NTM: variants seen among roughly 807,000 people sequenced by gnomAD.
NTM encodes the protein IgLON family member 2.
Under a neutral mutation model 42.1 loss-of-function variants are expected in NTM, and 13 were observed. The observed-to-expected ratio is 0.31, with a 90% confidence interval of 0.20 to 0.49. NTM has a LOEUF of 0.49. Ranked by LOEUF, NTM falls within the 20% of genes least tolerant of loss-of-function variation. The pLI is 0.99. For synonymous variants in NTM, 187 were observed against 179.2 expected (o/e 1.04, Z -0.35); for missense variants, 373 against 452.8 (o/e 0.82, Z 1.60).
At chr11:131,615,809 GC>G (rs2061872165) in intron 1 of NTM, among the ~76,000 whole-genome samples, 1 of 152,200 alleles carries the variant, frequency 6.6e-6, no homozygotes, top group Non-Finnish European at 1.5e-5. Context: ...CTAAGGCTGT[GC>G]TGAGCCTGTG....
intron 2 of NTM, among the ~76,000 whole-genome samples, chr11:132,093,096 C>T (rs1425479794): frequency 6.6e-6 from 1 of 152,172 alleles, no homozygotes; most frequent in South Asian, 2.1e-4. Flanking sequence ...GGGATAAAAT[C>T]TCACCTTTAT....
chr11:131,403,142 C>A (rs560929649), intron 1 of NTM, among the ~76,000 whole-genome samples: 10 of 152,298 alleles, frequency 6.6e-5, no homozygotes, highest in African/African-American at 1.9e-4. Flanking sequence ...AGAGGAGACA[C>A]CGTTTACTTA....
chr11:131,908,814 G>T (rs1215607380), intron 1 of NTM, among the ~76,000 whole-genome samples: 2 of 152,186 alleles, frequency 1.3e-5, no homozygotes, highest in African/African-American at 4.8e-5. Flanking sequence ...AGACACAATA[G>T]AATCTTCCAA....
At chr11:131,657,099 A>T (rs2067290136) in intron 1 of NTM, among the ~76,000 whole-genome samples, 1 of 148,890 alleles carries the variant, frequency 6.7e-6, no homozygotes, top group Non-Finnish European at 1.5e-5. Context: ...CTCTTTGAGC[A>T]GTTGAGCTGT....
chr11:131,494,609 A>G (rs1214512150), intron 1 of NTM, among the ~76,000 whole-genome samples: 2 of 152,234 alleles, frequency 1.3e-5, no homozygotes, highest in Non-Finnish European at 2.9e-5. Context: ...ACTCCATTGC[A>G]TGTGCAAAGA....
intron 2 of NTM, among the ~76,000 whole-genome samples, chr11:131,955,997 C>T (rs1403359195): frequency 6.6e-6 from 1 of 152,190 alleles, no homozygotes; most frequent in Non-Finnish European, 1.5e-5. Context: ...AGTAGAGGTA[C>T]TTCCTTTCTG....
rs1202773895 is a variant in NTM at position 132,018,442 on chromosome 11, T to A, written c.167+106794T>A. On this transcript the variant is annotated intron_variant, in intron 2 of 8. Transcript: ENST00000683400. Reference sequence around the variant, plus strand: ...TTTATTGTTCATTTTAAATCATGAATGTGTGCTAAATTTTTAAAAATGTTT... The same window carrying A: ...TTTATTGTTCATTTTAAATCATGAAAGTGTGCTAAATTTTTAAAAATGTTT... 2.0e-5 allele frequency among the ~76,000 whole-genome samples: 3 copies of A among 152,168 alleles called. No individual in the cohort carries two copies. The East Asian group carries it at 5.8e-4, about 29-fold the overall frequency.
At position 131,771,858 on chromosome 11, in the gene NTM, C is replaced by T. The variant is rs117398717; in HGVS notation, c.83-139706C>T. 3.5e-4 allele frequency among the ~76,000 whole-genome samples: 53 copies of T among 152,256 alleles called. 2 individuals are homozygous for T. In the East Asian group the frequency reaches 0.01, roughly 29 times the overall value. On this transcript the variant is annotated intron_variant, in intron 1 of 8. Coordinates refer to ENST00000683400, the MANE Select transcript of NTM (RefSeq NM_001352005.2). ...TGGTAGTAGTGTGAAATAGTACATG[C>T]TTTATGAAGAAGTCTGGATGAAACA...
At position 131,727,997 on chromosome 11, in the gene NTM, G is replaced by C. The variant is rs181254472; in HGVS notation, c.83-183567G>C. ...GTTGCCTAATGTAGAGTCGAGGTCAGAGTAATAACAACAATAATGATAGCA... is the reference window on the plus strand; with the variant it reads ...GTTGCCTAATGTAGAGTCGAGGTCACAGTAATAACAACAATAATGATAGCA... On this transcript the variant is annotated intron_variant, in intron 1 of 8. Coordinates refer to ENST00000683400, the MANE Select transcript of NTM (RefSeq NM_001352005.2). 1.4e-4 allele frequency among the ~76,000 whole-genome samples: 21 copies of C among 152,284 alleles called. 1 individual carries two copies. The East Asian group carries it at 3.9e-3, about 28-fold the overall frequency.
chr11:131,943,089 G>A (rs1204023262), intron 2 of NTM, among the ~76,000 whole-genome samples: 1 of 152,196 alleles, frequency 6.6e-6, no homozygotes, highest in African/African-American at 2.4e-5. Context: ...AGAGGCATCT[G>A]CAGCAGCCTA....
chr11:132,129,607 C>A (rs2066465725), intron 2 of NTM, among the ~76,000 whole-genome samples: 1 of 152,216 alleles, frequency 6.6e-6, no homozygotes, highest in South Asian at 2.1e-4. Flanking sequence ...AGTTAATCTA[C>A]AGCTTCCTGT....
intron 2 of NTM, among the ~76,000 whole-genome samples, chr11:131,945,623 G>A (rs988723749): frequency 2.6e-5 from 4 of 152,188 alleles, no homozygotes; most frequent in Non-Finnish European, 5.9e-5. Flanking sequence ...AATCATTTAA[G>A]AAAATAACCC....
chr11:131,529,034 G>A (rs999431732), intron 1 of NTM, among the ~76,000 whole-genome samples: 2 of 152,162 alleles, frequency 1.3e-5, no homozygotes, highest in African/African-American at 4.8e-5. Flanking sequence ...ATTGAGTATC[G>A]CTTCAGCACA....
In NTM at chr11:131,432,839, C is replaced by CA. The variant is rs1565494793; in HGVS notation, c.82+61951_82+61952insA. Among the ~76,000 whole-genome samples the CA allele has an allele frequency of 9.8e-4, 67 of 68,704 alleles. 3 individuals carry two copies. The highest frequency in any genetic ancestry group is 1.2e-3 in the Non-Finnish European group (46 of 38,812). The allele number at this position is 68,704 out of a possible 152,430, so 45.1% of individuals were successfully genotyped here. A position where few individuals can be genotyped will look rare whatever the true frequency, so the allele number is the denominator to read the frequency against. On this transcript the variant is annotated intron_variant, in intron 1 of 8. Transcript: ENST00000683400. ...CTACAAAAGATGAAGATTTAGCATTCTTTTTTTTTTTTTTTTTTTTTTTTT... is the reference window on the plus strand; with the variant it reads ...CTACAAAAGATGAAGATTTAGCATTCATTTTTTTTTTTTTTTTTTTTTTTTT...
intron 1 of NTM, among the ~76,000 whole-genome samples, chr11:131,525,602 C>A (rs539412385): frequency 6.6e-6 from 1 of 152,082 alleles, no homozygotes; most frequent in Non-Finnish European, 1.5e-5. Flanking sequence ...AGTAAGGTGG[C>A]GCTCTCTTCA....
chr11:131,548,164 A>T (rs60486811), intron 1 of NTM, among the ~76,000 whole-genome samples: 19,941 of 152,180 alleles, frequency 0.13, 2,545 homozygotes, highest in African/African-American at 0.33. Context: ...AGCAAGTAAC[A>T]CAGGGCTTAG....
chr11:131,886,858 G>T (rs1442019690), intron 1 of NTM, among the ~76,000 whole-genome samples: 1 of 152,214 alleles, frequency 6.6e-6, no homozygotes, highest in Non-Finnish European at 1.5e-5. Flanking sequence ...TGTCCCGCTG[G>T]GATGATACTA....
intron 1 of NTM, among the ~76,000 whole-genome samples, chr11:131,730,188 T>A (rs1169197760): frequency 6.6e-6 from 1 of 152,202 alleles, no homozygotes; most frequent in African/African-American, 2.4e-5. Context: ...TAATGACTAA[T>A]GATGTTGTGC....
chr11:131,807,998 G>A lies in NTM; in HGVS notation c.83-103566G>A, dbSNP rs907200623. On this transcript the variant is annotated intron_variant, in intron 1 of 8. Coordinates refer to ENST00000683400, the MANE Select transcript of NTM (RefSeq NM_001352005.2). Reference sequence around the variant, plus strand: ...AAGTGAAGGTGAACATTTTGGAGACGTCCTTCCTTGAATTTGATTTACAAG... The same window carrying A: ...AAGTGAAGGTGAACATTTTGGAGACATCCTTCCTTGAATTTGATTTACAAG... 4.6e-5 allele frequency among the ~76,000 whole-genome samples: 7 copies of A among 152,118 alleles called. No homozygotes were observed. The East Asian group carries it at 9.6e-4, about 21-fold the overall frequency.
Sources: gnomAD v4.1 joint callset for allele counts (sites outside exome capture counted in the v4.1 genomes callset) on GRCh38, gnomAD v4.1.1 for gene constraint, MANE v1.5 for transcripts, NCBI Gene and HGNC (gene_info 2026-07-23, HGNC 2026-07-21) for gene names.